NRXN3: variants seen among roughly 807,000 people sequenced by gnomAD.
NRXN3 encodes neurexin III.
A neutral mutation model predicts 137.6 loss-of-function variants in NRXN3; 32 were observed. The observed-to-expected ratio is 0.23, with a 90% CI of 0.18 to 0.31. The LOEUF (loss-of-function observed/expected upper bound fraction) is 0.31. Ranked by LOEUF, NRXN3 falls within the 10% of genes least tolerant of loss-of-function variation. The pLI, the probability that NRXN3 is intolerant of heterozygous loss-of-function variation, is 1.00. For synonymous variants in NRXN3, 798 were observed against 784.5 expected, an observed-to-expected ratio of 1.02 and a Z score of -0.29; for missense variants, 1,574 against 2,062.5, an observed-to-expected ratio of 0.76 and a Z score of 4.59.
chr14:79,302,304 A>G (rs2085270888), intron 15 of NRXN3, among the ~76,000 whole-genome samples: 1 of 152,010 alleles, frequency 6.6e-6, no homozygotes, highest in African/African-American at 2.4e-5. Flanking sequence ...TGGGTAATTT[A>G]TTAGAAAAAG....
intron 15 of NRXN3, among the ~76,000 whole-genome samples, chr14:79,074,133 C>G (rs964949164): frequency 6.6e-6 from 1 of 152,090 alleles, no homozygotes; most frequent in African/African-American, 2.4e-5. Flanking sequence ...TAAATGTATT[C>G]TTAAATTGGA....
chr14:79,215,541 C>T (rs1054270280), intron 15 of NRXN3, among the ~76,000 whole-genome samples: 6 of 152,142 alleles, frequency 3.9e-5, no homozygotes, highest in African/African-American at 7.2e-5. Flanking sequence ...GTGAAAAGCA[C>T]GTCTCACATG....
intron 4 of NRXN3, among the ~76,000 whole-genome samples, chr14:78,396,446 G>A (rs78860600): frequency 0.014 from 2,190 of 152,200 alleles, 52 homozygotes; most frequent in East Asian, 0.084. Context: ...CTGATGTTTT[G>A]ATTTCTCTTT....
At chr14:79,504,230 G>C (rs910657056) in intron 16 of NRXN3, among the ~76,000 whole-genome samples, 11 of 152,116 alleles carry the variant, frequency 7.2e-5, no homozygotes, top group Non-Finnish European at 2.9e-5. Flanking sequence ...TCATCTCAAT[G>C]CTCCTTACTC....
At position 79,115,433 on chromosome 14, in the gene NRXN3, C is replaced by T. The variant is rs1378106061; in HGVS notation, c.3262+127292C>T. On this transcript the variant is annotated intron_variant, in intron 15 of 20. Coordinates refer to ENST00000335750, the MANE Select transcript of NRXN3 (RefSeq NM_001330195.2). ...ATTTGATAAGGTGTGTCTCTACCCC[C>T]TTTTGACCTTCATAACTTGTAAAAA... Among the ~76,000 whole-genome samples the T allele has an allele frequency of 3.9e-5, 6 of 152,222 alleles. No homozygotes were observed. The East Asian group carries it at 1.2e-3, about 29-fold the overall frequency.
intron 16 of NRXN3, among the ~76,000 whole-genome samples, chr14:79,559,682 T>C (rs1447353399): frequency 6.6e-6 from 1 of 152,160 alleles, no homozygotes; most frequent in East Asian, 1.9e-4. Context: ...AGATTTAGAT[T>C]TGCCTAACTT....
chr14:79,010,485 G>A (rs996386638), intron 15 of NRXN3, among the ~76,000 whole-genome samples: 1 of 152,070 alleles, frequency 6.6e-6, no homozygotes, highest in Non-Finnish European at 1.5e-5. Flanking sequence ...AATCTGAAAG[G>A]TTTTTCACTG....
intron 4 of NRXN3, among the ~76,000 whole-genome samples, chr14:78,604,121 A>T (rs2097225312): frequency 6.6e-6 from 1 of 152,156 alleles, no homozygotes; most frequent in African/African-American, 2.4e-5. Flanking sequence ...CCATTATAAA[A>T]TCATCAGATC....
intron 8 of NRXN3, 139 bp from the exon 9 acceptor site, chr14:78,803,481 A>G: frequency 1.4e-6 from 1 of 740,412 alleles, no homozygotes; most frequent in Non-Finnish European, 2.4e-6. Context: ...AAAAGGTGGT[A>G]ACAACAAGGG....
At chr14:78,549,725 C>G (rs868788180) in intron 4 of NRXN3, among the ~76,000 whole-genome samples, 1 of 152,164 alleles carries the variant, frequency 6.6e-6, no homozygotes, top group Admixed American at 6.5e-5. Flanking sequence ...TCCTCTAATT[C>G]CATTACCCTC....
At chr14:78,456,956 T>G (rs1367675021) in intron 4 of NRXN3, among the ~76,000 whole-genome samples, 1 of 148,064 alleles carries the variant, frequency 6.8e-6, no homozygotes, top group Non-Finnish European at 1.5e-5. Flanking sequence ...CTTCCCTTCC[T>G]TGCTTCCTTC....
chr14:78,591,840 T>A (rs1432873350), intron 4 of NRXN3, among the ~76,000 whole-genome samples: 1 of 152,212 alleles, frequency 6.6e-6, no homozygotes, highest in Non-Finnish European at 1.5e-5. Context: ...CCATCGCCAT[T>A]ACTCTAATGG....
At chr14:79,194,580 C>G (rs2064884298) in intron 15 of NRXN3, among the ~76,000 whole-genome samples, 2 of 152,166 alleles carry the variant, frequency 1.3e-5, no homozygotes, top group East Asian at 3.9e-4. Context: ...AGAGGATTCC[C>G]CCAGAAGAAA....
chr14:78,542,573 G>GT (rs1272055957), intron 4 of NRXN3, among the ~76,000 whole-genome samples: 2 of 152,162 alleles, frequency 1.3e-5, no homozygotes, highest in East Asian at 1.9e-4. Context: ...GGAGTGTCCC[G>GT]TTTTTTCCAG....
At chr14:79,406,958 G>A (rs2153505583) in intron 15 of NRXN3, among the ~76,000 whole-genome samples, 1 of 152,278 alleles carries the variant, frequency 6.6e-6, no homozygotes, top group South Asian at 2.1e-4. Flanking sequence ...TTTAATGAAG[G>A]TGGAAATGAT....
intron 2 of NRXN3, among the ~76,000 whole-genome samples, chr14:78,270,265 C>T (rs1270150114): frequency 1.3e-5 from 2 of 152,176 alleles, no homozygotes; most frequent in Non-Finnish European, 2.9e-5. Context: ...ATTTCTCTCT[C>T]CTCCTGTGAC....
chr14:79,615,212 G>A (rs1355443910), intron 16 of NRXN3, among the ~76,000 whole-genome samples: 1 of 152,052 alleles, frequency 6.6e-6, no homozygotes, highest in Non-Finnish European at 1.5e-5. Context: ...ATATGTACAC[G>A]GGAAGACAAA....
chr14:79,333,116 T>C (rs2091918382), intron 15 of NRXN3, among the ~76,000 whole-genome samples: 1 of 152,118 alleles, frequency 6.6e-6, no homozygotes, highest in East Asian at 1.9e-4. Flanking sequence ...AGCATTTCTT[T>C]GGTAATTTAA....
intron 10 of NRXN3, among the ~76,000 whole-genome samples, chr14:78,950,640 GGAAA>G (rs1432118048): frequency 5.3e-5 from 8 of 151,610 alleles, no homozygotes; most frequent in South Asian, 4.2e-4. Context: ...GAAAAAAGAA[GGAAA>G]GAAGGAAGGA....
Sources: allele counts gnomAD v4.1 joint callset (sites outside exome capture counted in the v4.1 genomes callset), GRCh38; gene constraint gnomAD v4.1.1; transcripts MANE v1.5; gene names NCBI Gene and HGNC (gene_info 2026-07-23, HGNC 2026-07-21).